Variants in IL1RAPL1 observed in about 807,000 individuals in gnomAD.
IL1RAPL1 encodes interleukin 1 receptor accessory protein like 1, also known as interleukin-1 receptor accessory protein-like 1.
Under a neutral mutation model 48.4 loss-of-function variants are expected in IL1RAPL1, and 3 were observed. The ratio of observed to expected loss-of-function variants is 0.06; its 90% CI spans 0.03 to 0.16. IL1RAPL1 has a LOEUF of 0.16. Ranked by LOEUF, IL1RAPL1 falls within the 10% of genes least tolerant of loss-of-function variation. The probability of loss-of-function intolerance (pLI) is 1.00; values close to 1 mark genes in which losing one functional copy is unlikely to be tolerated. For missense variants in IL1RAPL1, 349 were observed against 530.6 expected (o/e 0.66, Z 3.36); for synonymous variants, 185 against 187.7 (o/e 0.99, Z 0.12).
chrX:29,266,069 G>C (rs998107960), intron 2 of IL1RAPL1, among the ~76,000 whole-genome samples: 4 of 110,757 alleles, frequency 3.6e-5, no homozygotes, highest in Admixed American at 9.6e-5. Flanking sequence ...GATTCCTCAG[G>C]GATCTAGAAC....
intron 6 of IL1RAPL1, among the ~76,000 whole-genome samples, chrX:29,888,225 A>G (rs1431173519): frequency 9.3e-6 from 1 of 107,172 alleles, no homozygotes; most frequent in African/African-American, 3.4e-5. Context: ...GCAACTGAGG[A>G]ATTTTTTTTT....
chrX:29,195,557 C>CTTTT lies in IL1RAPL1; in HGVS notation c.83-87365_83-87362dup, dbSNP rs756993767. Among the ~76,000 whole-genome samples, 8 of 79,935 alleles carry CTTTT rather than the reference C, an allele frequency of 1.0e-4. No individual in the cohort carries two copies. In the East Asian group the frequency reaches 1.6e-3, roughly 16 times the overall value. The allele number at this position is 79,935 out of a possible 115,157, so 69.4% of individuals were successfully genotyped here. ...GTTTGTTCATTTATCTAACTAATTA[C>CTTTT]TTTTTTTTTTTTTTTTTTTGGAGAC... On this transcript the variant is annotated intron_variant, in intron 2 of 10. Transcript: ENST00000378993.
At chrX:29,866,900 A>G (rs1931705677) in intron 6 of IL1RAPL1, among the ~76,000 whole-genome samples, 1 of 110,419 alleles carries the variant, frequency 9.1e-6, no homozygotes, top group Admixed American at 9.7e-5. Flanking sequence ...AAATGATATC[A>G]CCCATCACCA....
intron 2 of IL1RAPL1, among the ~76,000 whole-genome samples, chrX:29,218,434 A>G (rs755818673): frequency 9.8e-5 from 11 of 111,928 alleles, no homozygotes; most frequent in Non-Finnish European, 1.9e-4. Flanking sequence ...CTGTCTTTAT[A>G]TTAAATCTTG....
intron 2 of IL1RAPL1, among the ~76,000 whole-genome samples, chrX:29,080,301 C>T (rs766686842): frequency 1.8e-5 from 2 of 109,879 alleles, no homozygotes; most frequent in Non-Finnish European, 3.8e-5. Context: ...ATCACTTGAG[C>T]CCGGAAGATT....
chrX:29,426,167 T>C (rs1934348210), intron 5 of IL1RAPL1, among the ~76,000 whole-genome samples: 1 of 111,987 alleles, frequency 8.9e-6, no homozygotes. Context: ...ATAATTGAAC[T>C]AAATTCATCT....
chrX:28,814,655 A>G (rs995998849), intron 2 of IL1RAPL1, among the ~76,000 whole-genome samples: 1 of 110,435 alleles, frequency 9.1e-6, no homozygotes, highest in East Asian at 2.8e-4. Context: ...TTTAATTGGT[A>G]TATTTAGACT....
At chrX:28,951,178 C>T (rs1224036896) in intron 2 of IL1RAPL1, among the ~76,000 whole-genome samples, 6 of 100,497 alleles carry the variant, frequency 6.0e-5, no homozygotes, top group Non-Finnish European at 1.0e-4. Context: ...TGCTAGATGA[C>T]GAGTTAGTGG....
chrX:28,739,885 C>T (rs1311234104), intron 1 of IL1RAPL1, among the ~76,000 whole-genome samples: 1 of 110,823 alleles, frequency 9.0e-6, no homozygotes, highest in Non-Finnish European at 1.9e-5. Context: ...CTCTTTGCTT[C>T]CATATGATAG....
At chrX:28,916,633 T>C (rs2147334984) in intron 2 of IL1RAPL1, among the ~76,000 whole-genome samples, 1 of 112,157 alleles carries the variant, frequency 8.9e-6, no homozygotes, top group East Asian at 2.8e-4. Flanking sequence ...GGTGATCTGG[T>C]TGGCCTGACT....
intron 3 of IL1RAPL1, among the ~76,000 whole-genome samples, chrX:29,340,098 A>G (rs145551644): frequency 3.7e-4 from 42 of 112,317 alleles, no homozygotes; most frequent in African/African-American, 1.3e-3. Context: ...TTATCTAGTC[A>G]ATATTCTTTG....
chrX:29,706,982 A>C (rs771238516), intron 6 of IL1RAPL1, among the ~76,000 whole-genome samples: 1 of 112,253 alleles, frequency 8.9e-6, no homozygotes, highest in South Asian at 3.7e-4. Context: ...GCAAAAGAAA[A>C]AATCAGCAGA....
At chrX:29,620,495 T>C (rs775023803) in intron 5 of IL1RAPL1, among the ~76,000 whole-genome samples, 1 of 112,441 alleles carries the variant, frequency 8.9e-6, no homozygotes, top group Admixed American at 9.4e-5. Context: ...ATTTTAAATG[T>C]ATTAAAGTAA....
intron 1 of IL1RAPL1, among the ~76,000 whole-genome samples, chrX:28,717,515 A>G (rs767784879): frequency 9.0e-6 from 1 of 111,321 alleles, no homozygotes; most frequent in Non-Finnish European, 1.9e-5. Flanking sequence ...GGGTGGGAGG[A>G]GGAAGAGGAT....
At chrX:28,722,775 C>G (rs1409726797) in intron 1 of IL1RAPL1, among the ~76,000 whole-genome samples, 2 of 111,251 alleles carry the variant, frequency 1.8e-5, no homozygotes, top group African/African-American at 3.3e-5. Flanking sequence ...CCATCAATAC[C>G]TAATTTATTG....
chrX:29,469,906 C>T (rs1290620851), intron 5 of IL1RAPL1, among the ~76,000 whole-genome samples: 2 of 111,789 alleles, frequency 1.8e-5, no homozygotes, highest in Non-Finnish European at 3.8e-5. Context: ...TAATATGGTT[C>T]ATGATATGGA....
rs147964132 is a variant in IL1RAPL1 at position 29,666,673 on chromosome X, G to A, written c.704-1757G>A. Among the ~76,000 whole-genome samples the A allele has an allele frequency of 5.4e-3, 597 of 110,223 alleles. 6 individuals are homozygous for A. The highest frequency in any genetic ancestry group is 0.018 in the African/African-American group (554 of 30,317). On this transcript the variant is annotated intron_variant, in intron 5 of 10. Transcript: ENST00000378993. Reference sequence around the variant, plus strand: ...ATTTCTGAACAAATGTACTGCATACGGGTTTTATTATCTTTCTCTGTAGAT... The same window carrying A: ...ATTTCTGAACAAATGTACTGCATACAGGTTTTATTATCTTTCTCTGTAGAT...
At chrX:28,990,363 G>A (rs767867693) in intron 2 of IL1RAPL1, among the ~76,000 whole-genome samples, 7 of 111,820 alleles carry the variant, frequency 6.3e-5, no homozygotes, top group African/African-American at 2.3e-4. Flanking sequence ...AAACTAAATC[G>A]GGGATAGTAT....
At chrX:29,346,925 GTAT>G (rs1199876062) in intron 3 of IL1RAPL1, among the ~76,000 whole-genome samples, 2 of 112,040 alleles carry the variant, frequency 1.8e-5, no homozygotes, top group African/African-American at 6.5e-5. Context: ...AAAAATGGCA[GTAT>G]TAATTAGCTC....
Sources: allele counts gnomAD v4.1 joint callset (sites outside exome capture counted in the v4.1 genomes callset), GRCh38; gene constraint gnomAD v4.1.1; transcripts MANE v1.5; gene names NCBI Gene and HGNC (gene_info 2026-07-23, HGNC 2026-07-21).